ANKRD13C: variants seen among roughly 807,000 people sequenced by gnomAD.
ANKRD13C encodes the protein ankyrin repeat domain 13C.
ANKRD13C carries 16 observed loss-of-function variants against 65.5 expected under a neutral mutation model. The observed-to-expected ratio is 0.24, with a 90% confidence interval of 0.17 to 0.37. ANKRD13C has a LOEUF of 0.37. ANKRD13C is among the 10% of genes least tolerant of loss of function. The probability of loss-of-function intolerance (pLI) is 1.00; values close to 1 mark genes in which losing one functional copy is unlikely to be tolerated. For synonymous variants in ANKRD13C, 235 were observed against 238.7 expected (o/e 0.98, Z 0.14); for missense variants, 503 against 655.9 (o/e 0.77, Z 2.55).
intron 12 of ANKRD13C, among the ~76,000 whole-genome samples, chr1:70,263,100 T>C (rs1678459351): frequency 6.6e-6 from 1 of 152,166 alleles, no homozygotes; most frequent in African/African-American, 2.4e-5. Flanking sequence ...CATGCCTTCC[T>C]AGTCTTAAGA....
At chr1:70,275,961 C>CA (rs1209279880) in intron 10 of ANKRD13C, among the ~76,000 whole-genome samples, 3,834 of 36,038 alleles carry the variant, frequency 0.11, 280 homozygotes, top group African/African-American at 0.22. Flanking sequence ...GACTCCATCT[C>CA]AAAAAAAAAA....
chr1:70,296,159 T>A lies in ANKRD13C; in HGVS notation c.1024A>T (p.Thr342Ser), dbSNP rs1321493634. The A allele has an allele frequency of 1.2e-5, 20 of 1,613,750 alleles. No individual in the cohort carries two copies. The highest frequency in any genetic ancestry group is 1.6e-5 in the Non-Finnish European group (19 of 1,179,914). The change falls in exon 8 of 13, where the codon ACA (threonine) becomes TCA (serine). Residue 342 changes from threonine (T) to serine (S), a missense_variant. By Grantham distance (58) the Thr-to-Ser change is moderately conservative (BLOSUM62 1). Around this residue, in one of 2 missense-constraint regions of ANKRD13C, gnomAD observed 300 missense variants for 478.3 expected, o/e 0.63. Coordinates refer to ENST00000370944, the MANE Select transcript of ANKRD13C (RefSeq NM_030816.5). The stretch of plus-strand genomic sequence containing the variant: ...TTATCTTCCCGAAAAAGCCATCCTG[T>A]CTGGGCACGCGTGAAAGAAATTGAT... ...TKSISFTRAQ[T>S]GWLFREDKTE... is the part of the protein sequence containing the mutation.
At position 70,342,820 on chromosome 1, in the gene ANKRD13C, G is replaced by A. The variant is rs150806241; in HGVS notation, c.431-6721C>T. Among the ~76,000 whole-genome samples, 293 of 151,952 alleles carry A rather than the reference G, an allele frequency of 1.9e-3. 2 individuals carry two copies. Among genetic ancestry groups the A allele is most frequent in the African/African-American group, 6.7e-3 (276 of 41,418 alleles). On this transcript the variant is annotated intron_variant, in intron 1 of 12. Transcript: ENST00000370944. The stretch of plus-strand genomic sequence containing the variant: ...GGAGGGGAACTAGATAGGTAGAGAT[G>A]GGTGAAAGGGAAACTTTTAACAATG...
chr1:70,265,472 A>AGT (rs1295491981), intron 12 of ANKRD13C, among the ~76,000 whole-genome samples: 1 of 152,176 alleles, frequency 6.6e-6, no homozygotes, highest in East Asian at 1.9e-4. Context: ...GTAATGAACT[A>AGT]AGGAAGTGAA....
chr1:70,336,897 A>C (rs954065279), intron 1 of ANKRD13C, among the ~76,000 whole-genome samples: 1 of 152,236 alleles, frequency 6.6e-6, no homozygotes, highest in African/African-American at 2.4e-5. Context: ...TGACGAATTT[A>C]ATTTCAAAAT....
chr1:70,293,982 C>A (rs1679968920), intron 8 of ANKRD13C, among the ~76,000 whole-genome samples: 1 of 152,148 alleles, frequency 6.6e-6, no homozygotes, highest in African/African-American at 2.4e-5. Flanking sequence ...ACAAATGTGA[C>A]TATTCATTTA....
In ANKRD13C at chr1:70,287,387, C is replaced by CAA. The variant is rs145676593; in HGVS notation, c.1215+4999_1215+5000dup. On this transcript the variant is annotated intron_variant, in intron 9 of 12. Coordinates refer to ENST00000370944, the MANE Select transcript of ANKRD13C (RefSeq NM_030816.5). ...TACTGGAGCAACTGGGCATCCAAGG[C>CAA]AAAAAAAAAATAAATAAACCTTTGA... 8.1e-5 allele frequency among the ~76,000 whole-genome samples: 12 copies of CAA among 147,672 alleles called. No homozygotes were observed. In the South Asian group the frequency reaches 1.1e-3, roughly 13 times the overall value.
In ANKRD13C at chr1:70,306,215, T is replaced by C; in HGVS notation, c.776+9A>G. ...TTCTTTTACTGAGAAAAAAATCAAA[T>C]CACCTTACCTGATATTGATACCTTG... On this transcript the variant is annotated intron_variant, in intron 6 of 12. Transcript: ENST00000370944. The C allele has an allele frequency of 6.6e-7, 1 of 1,517,606 alleles. No individual in the cohort carries two copies. Among genetic ancestry groups the C allele is most frequent in the Non-Finnish European group, 8.8e-7 (1 of 1,131,398 alleles). The allele number at this position is 1,517,606 out of a possible 1,614,324, so 94.0% of individuals were successfully genotyped here.
chr1:70,325,153 T>G (rs962200173), intron 2 of ANKRD13C, among the ~76,000 whole-genome samples, 196 bp from the exon 3 acceptor site: 4 of 152,212 alleles, frequency 2.6e-5, no homozygotes, highest in African/African-American at 9.6e-5. Flanking sequence ...ATTTAAAAAG[T>G]ATCCATTCTA....
chr1:70,267,243 G>A (rs1043925162), intron 12 of ANKRD13C, among the ~76,000 whole-genome samples: 1 of 151,896 alleles, frequency 6.6e-6, no homozygotes, highest in African/African-American at 2.4e-5. Flanking sequence ...GGCCAATCCT[G>A]TTTTCCTTTG....
chr1:70,338,245 G>A (rs1682141073), intron 1 of ANKRD13C, among the ~76,000 whole-genome samples: 1 of 152,082 alleles, frequency 6.6e-6, no homozygotes, highest in Admixed American at 6.6e-5. Context: ...ACAAACAACT[G>A]TATGTCGGCA....
intron 1 of ANKRD13C, among the ~76,000 whole-genome samples, chr1:70,342,582 G>A (rs1478465783): frequency 3.3e-5 from 5 of 152,040 alleles, no homozygotes; most frequent in African/African-American, 4.8e-5. Flanking sequence ...ACAATCAAAT[G>A]TATAAATTCC....
chr1:70,271,853 A>C (rs994773036), intron 11 of ANKRD13C, among the ~76,000 whole-genome samples: 1 of 152,224 alleles, frequency 6.6e-6, no homozygotes, highest in African/African-American at 2.4e-5. Flanking sequence ...GACGCCTTTT[A>C]AGTAAAACAT....
At chr1:70,341,835 A>G (rs919587687) in intron 1 of ANKRD13C, among the ~76,000 whole-genome samples, 1 of 152,156 alleles carries the variant, frequency 6.6e-6, no homozygotes, top group Non-Finnish European at 1.5e-5. Context: ...ATTACATTTT[A>G]AAATCATTCT....
rs555873701 is a variant in ANKRD13C, at chr1:70,341,532, T to G, written c.431-5433A>C. ...ATGTGCCACCACACCAGCTAATTTT[T>G]GTATTTTAGTAGAGACAGGGTTTCA... On this transcript the variant is annotated intron_variant, in intron 1 of 12. Coordinates refer to ENST00000370944, the MANE Select transcript of ANKRD13C (RefSeq NM_030816.5). Among the ~76,000 whole-genome samples the G allele has an allele frequency of 4.6e-5, 7 of 152,178 alleles. No homozygotes were observed. The East Asian group carries it at 9.7e-4, about 21-fold the overall frequency.
intron 1 of ANKRD13C, among the ~76,000 whole-genome samples, chr1:70,344,713 T>C (rs183525668): frequency 9.2e-5 from 14 of 152,154 alleles, no homozygotes; most frequent in Non-Finnish European, 1.6e-4. Context: ...TTCTTTTTAC[T>C]GTATTAACAG....
intron 9 of ANKRD13C, among the ~76,000 whole-genome samples, chr1:70,277,393 G>T (rs552207370): frequency 2.1e-4 from 32 of 151,120 alleles, no homozygotes; most frequent in African/African-American, 7.8e-4. Flanking sequence ...GGAGGTGGAG[G>T]TTGCAGTGAG....
At chr1:70,347,357 A>C (rs912934441) in intron 1 of ANKRD13C, among the ~76,000 whole-genome samples, 7 of 149,896 alleles carry the variant, frequency 4.7e-5, no homozygotes, top group Non-Finnish European at 1.0e-4. Flanking sequence ...GCATTCTGAT[A>C]ATTACACTGT....
chr1:70,353,845 A>C, intron 1 of ANKRD13C, 134 bp downstream of exon 1: 3 of 1,245,420 alleles, frequency 2.4e-6, no homozygotes, highest in Non-Finnish European at 3.2e-6. Flanking sequence ...TGAGTCGATC[A>C]TGATTTACCG....
Sources: allele counts gnomAD v4.1 joint callset (sites outside exome capture counted in the v4.1 genomes callset), GRCh38; gene constraint gnomAD v4.1.1; regional missense constraint gnomAD v4.1.1; transcripts MANE v1.5; gene names NCBI Gene and HGNC (gene_info 2026-07-23, HGNC 2026-07-21).